Variants in EXOC3L2 observed in about 807,000 individuals in gnomAD.
EXOC3L2 encodes exocyst complex component 3 like 2, also known as exocyst complex component 3-like protein 2.
Under a neutral mutation model 44.4 loss-of-function variants are expected in EXOC3L2, and 17 were observed. The observed-to-expected ratio is 0.38, with a 90% CI of 0.26 to 0.57. EXOC3L2 has a LOEUF of 0.57. EXOC3L2 is among the 20% of genes least tolerant of loss of function. The pLI is 0.65. For synonymous variants in EXOC3L2, 256 were observed against 253.7 expected (o/e 1.01, Z -0.09); for missense variants, 541 against 588.4 (o/e 0.92, Z 0.83).
intron 1 of EXOC3L2, among the ~76,000 whole-genome samples, chr19:45,244,681 C>T (rs896104903): frequency 1.3e-5 from 2 of 152,268 alleles, no homozygotes; most frequent in Middle Eastern, 3.4e-3. Context: ...CAGCCTTTTC[C>T]CCGGAGTCCC....
chr19:45,235,820 C>T (rs1470050492), intron 2 of EXOC3L2, among the ~76,000 whole-genome samples: 1 of 152,176 alleles, frequency 6.6e-6, no homozygotes, highest in African/African-American at 2.4e-5. Context: ...TAGCCTCTGG[C>T]CAGAACGTGG....
rs138300652 is a variant in EXOC3L2 at position 45,236,171 on chromosome 19, A to C, written c.524-1345T>G. 9.3e-3 allele frequency among the ~76,000 whole-genome samples: 1,410 copies of C among 151,990 alleles called. 26 individuals carry two copies. Among genetic ancestry groups the C allele is most frequent in the African/African-American group, 0.032 (1,330 of 41,442 alleles). ...TAGGTGAAAGCTGAGGATGGAAAGG[A>C]CATAAAGATTGATGTGAAGGCCGAG... On this transcript the variant is annotated intron_variant, in intron 2 of 11. Coordinates refer to ENST00000413988, the MANE Select transcript of EXOC3L2 (RefSeq NM_001382422.1).
chr19:45,228,044 G>A lies in EXOC3L2; in HGVS notation c.1402C>T (p.Arg468Cys), dbSNP rs73939819. The change falls in exon 6 of 12, where the codon CGC becomes TGC. Residue 468 changes from arginine to cysteine, a missense_variant. Physicochemically the swap from Arg to Cys is radical, Grantham distance 180. Coordinates refer to ENST00000413988, the MANE Select transcript of EXOC3L2 (RefSeq NM_001382422.1). ...CGCTCCCCAAACTCCTGGCTGATGC[G>A]GGGTGCTCGCTCTGTGTGCTCTTCC... ...LLEEHTERAP[R>C]ISQEFGERMA... 8.4e-5 allele frequency: 136 copies of A among 1,614,074 alleles called. No individual in the cohort carries two copies. The highest frequency in any genetic ancestry group is 7.3e-4 in the African/African-American group (55 of 75,034).
intron 7 of EXOC3L2, among the ~76,000 whole-genome samples, 160 bp downstream of exon 7, chr19:45,227,502 T>C (rs977286459): frequency 1.3e-5 from 2 of 152,146 alleles, no homozygotes; most frequent in African/African-American, 4.8e-5. Context: ...TGCTCTGTGG[T>C]GCTATGGCTG....
intron 1 of EXOC3L2, among the ~76,000 whole-genome samples, chr19:45,244,852 TCAGCC>T (rs1162428104): frequency 6.6e-6 from 1 of 151,904 alleles, no homozygotes; most frequent in Non-Finnish European, 1.5e-5. Flanking sequence ...AATCCTGTCA[TCAGCC>T]CAGACCACTG....
intron 8 of EXOC3L2, among the ~76,000 whole-genome samples, chr19:45,219,073 C>T (rs943137015): frequency 2.0e-5 from 3 of 151,896 alleles, no homozygotes; most frequent in South Asian, 4.2e-4. Context: ...ATTAGCCGGG[C>T]GCGGTGGCGT....
intron 1 of EXOC3L2, among the ~76,000 whole-genome samples, chr19:45,243,484 C>T (rs747312774): frequency 2.6e-5 from 4 of 152,174 alleles, no homozygotes; most frequent in East Asian, 1.9e-4. Flanking sequence ...TTCCTAGAAA[C>T]GCTCTCGGAC....
chr19:45,237,286 A>G (rs1488350074), intron 2 of EXOC3L2, among the ~76,000 whole-genome samples: 1 of 152,058 alleles, frequency 6.6e-6, no homozygotes, highest in Non-Finnish European at 1.5e-5. Flanking sequence ...GATTACTTGA[A>G]GCCAGGAGTT....
intron 11 of EXOC3L2, among the ~76,000 whole-genome samples, 200 bp downstream of exon 11, chr19:45,215,873 C>CGGTGGCG (rs1969827683): frequency 1.3e-5 from 2 of 152,164 alleles, no homozygotes; most frequent in Admixed American, 6.5e-5. Context: ...GCCCTGGTGG[C>CGGTGGCG]GGTGGCGGCG....
intron 7 of EXOC3L2, among the ~76,000 whole-genome samples, chr19:45,226,176 T>C (rs1467313348): frequency 3.3e-5 from 5 of 152,194 alleles, no homozygotes; most frequent in African/African-American, 1.2e-4. Context: ...CCATGAGCTT[T>C]TGGCCTCTGA....
At chr19:45,213,659 T>C (rs1473817474) in intron 11 of EXOC3L2, among the ~76,000 whole-genome samples, 2 of 151,962 alleles carry the variant, frequency 1.3e-5, no homozygotes, top group African/African-American at 4.8e-5. Context: ...AAATTCACCT[T>C]CTCAGCTGGG....
At chr19:45,218,052 C>T (rs988090662) in intron 9 of EXOC3L2, 145 bp downstream of exon 9, 11 of 1,182,664 alleles carry the variant, frequency 9.3e-6, no homozygotes, top group East Asian at 2.7e-5. Context: ...CACAGGGAGC[C>T]GCTCCCCACC....
intron 11 of EXOC3L2, among the ~76,000 whole-genome samples, chr19:45,214,146 A>T (rs1178499034): frequency 1.3e-5 from 2 of 152,094 alleles, no homozygotes; most frequent in Non-Finnish European, 2.9e-5. Context: ...GAATACTGGG[A>T]CTTCTTGGGA....
At chr19:45,244,459 T>C (rs1336923692) in intron 1 of EXOC3L2, among the ~76,000 whole-genome samples, 1 of 152,106 alleles carries the variant, frequency 6.6e-6, no homozygotes, top group African/African-American at 2.4e-5. Flanking sequence ...TTCCCAAAAC[T>C]GTCTCCGACG....
intron 7 of EXOC3L2, among the ~76,000 whole-genome samples, chr19:45,227,231 C>T (rs1178185944): frequency 1.3e-5 from 2 of 151,552 alleles, no homozygotes; most frequent in Admixed American, 1.3e-4. Flanking sequence ...CATTCTCCTG[C>T]CTCAGCCTCC....
chr19:45,234,301 C>A lies in EXOC3L2; in HGVS notation c.1049G>T (p.Arg350Leu). Residue 350 changes from arginine (R) to leucine (L), a missense_variant, in exon 3 of 12, where the codon CGC becomes CTC. Transcript: ENST00000413988. The surrounding 1 kb of genome is among the most constrained non-coding windows in gnomAD (Gnocchi z 5.0). Reference protein sequence around the residue: ...AGLGAFGVYLRGYHGALAEWL... With the variant: ...AGLGAFGVYLLGYHGALAEWL... Reference sequence around the variant, plus strand: ...CTCGGCCAGGGCCCCGTGGTAGCCGCGCAGGTAGACGCCGAAGGCGCCCAG... The same window carrying A: ...CTCGGCCAGGGCCCCGTGGTAGCCGAGCAGGTAGACGCCGAAGGCGCCCAG... 1 of 389,138 alleles carries A rather than the reference C, an allele frequency of 2.6e-6. No individual in the cohort carries two copies. Among genetic ancestry groups the A allele is most frequent in the Non-Finnish European group, 4.5e-6 (1 of 219,964 alleles). The allele number at this position is 389,138 out of a possible 1,614,324, so 24.1% of individuals were successfully genotyped here.
chr19:45,238,051 T>C lies in EXOC3L2; in HGVS notation c.523+472A>G, dbSNP rs1008981627. 6.6e-6 allele frequency among the ~76,000 whole-genome samples: 1 copy of C among 152,034 alleles called. No homozygotes were observed. The highest frequency in any genetic ancestry group is 2.1e-4 in the South Asian group (1 of 4,820). On this transcript the variant is annotated intron_variant, in intron 2 of 11. Transcript: ENST00000413988. This position sits in a 1 kb window ranked among gnomAD's most constrained non-coding sequence, Gnocchi z 5.5. ...TACTCGGGAGGCTGAGGCAGGAGAA[T>C]TGTTTGAACCCCAGAGGCAGAGGAT...
At chr19:45,226,702 C>A (rs1427104736) in intron 7 of EXOC3L2, among the ~76,000 whole-genome samples, 1 of 147,896 alleles carries the variant, frequency 6.8e-6, no homozygotes, top group African/African-American at 2.5e-5. Context: ...TCCCAAAGTG[C>A]TGGGATTACA....
intron 4 of EXOC3L2, among the ~76,000 whole-genome samples, chr19:45,229,511 AAATC>A (rs1294839453): frequency 6.8e-6 from 1 of 147,704 alleles, no homozygotes; most frequent in East Asian, 1.9e-4. Context: ...TATTAAATAT[AAATC>A]AATAATACAT....
Sources: allele counts gnomAD v4.1 joint callset (sites outside exome capture counted in the v4.1 genomes callset), GRCh38; gene constraint gnomAD v4.1.1; non-coding constraint Gnocchi (gnomAD v3.1); transcripts MANE v1.5; gene names NCBI Gene and HGNC (gene_info 2026-07-23, HGNC 2026-07-21).